AFF2: variants seen among roughly 807,000 people sequenced by gnomAD.
The protein encoded by AFF2 is AF4/FMR2 family member 2.
Under a neutral mutation model 76.9 loss-of-function variants are expected in AFF2, and 14 were observed. The observed-to-expected ratio is 0.18, with a 90% CI of 0.12 to 0.28. AFF2 has a LOEUF of 0.28. Among genes scored for constraint, AFF2 ranks in the 10% least tolerant of loss-of-function variants. The pLI is 1.00. For missense variants in AFF2, 868 were observed against 1,001.1 expected (o/e 0.87, Z 1.79); for synonymous variants, 398 against 366.7 (o/e 1.09, Z -0.98).
At chrX:148,618,216 G>A (rs1019386593) in intron 1 of AFF2, among the ~76,000 whole-genome samples, 2 of 111,258 alleles carry the variant, frequency 1.8e-5, no homozygotes, top group Non-Finnish European at 3.8e-5. Flanking sequence ...GAGGTTTATA[G>A]CCTGTGTTAG....
intron 7 of AFF2, among the ~76,000 whole-genome samples, chrX:148,859,463 A>G (rs782195351): frequency 1.0e-3 from 115 of 111,090 alleles, no homozygotes; most frequent in South Asian, 1.9e-3. Flanking sequence ...AATCTAGGGG[A>G]GAGGGTCCTT....
At chrX:148,770,904 C>T (rs1161214700) in intron 3 of AFF2, among the ~76,000 whole-genome samples, 1 of 111,919 alleles carries the variant, frequency 8.9e-6, no homozygotes, top group Non-Finnish European at 1.9e-5. Context: ...TGTGGCTGGC[C>T]TCTGGGAATA....
chrX:148,757,863 G>T (rs1028109171), intron 3 of AFF2, among the ~76,000 whole-genome samples: 2 of 111,939 alleles, frequency 1.8e-5, no homozygotes, highest in Non-Finnish European at 3.8e-5. Flanking sequence ...TTTATAAGCT[G>T]GGAAGAGAAC....
intron 1 of AFF2, among the ~76,000 whole-genome samples, chrX:148,551,482 G>GAAAAA (rs781883999): frequency 7.9e-5 from 3 of 38,007 alleles, no homozygotes; most frequent in African/African-American, 1.9e-4. Context: ...GCTGGGAAGT[G>GAAAAA]AAAAAAAAAA....
At chrX:148,674,542 T>G (rs1415821509) in intron 3 of AFF2, among the ~76,000 whole-genome samples, 1 of 112,181 alleles carries the variant, frequency 8.9e-6, no homozygotes, top group Non-Finnish European at 1.9e-5. Flanking sequence ...GTAAATGTTG[T>G]GTACCCAGGA....
At chrX:148,967,100 A>G in intron 14 of AFF2, 21 bp downstream of exon 14, 1 of 1,204,336 alleles carries the variant, frequency 8.3e-7, no homozygotes, top group South Asian at 1.8e-5. Flanking sequence ...CCAGATTATC[A>G]TGGACAGTTT....
rs2071558164 is a variant in AFF2, at chrX:148,918,615, C to G, written c.1397+14357C>G. On this transcript the variant is annotated intron_variant, in intron 9 of 20. Transcript: ENST00000370460. The stretch of plus-strand genomic sequence containing the variant: ...AAATTCGGAAATATACCCCAGCTTC[C>G]AAACTTCACCAAGTGGAAATGGAGA... Among the ~76,000 whole-genome samples the G allele has an allele frequency of 2.7e-5, 3 of 111,729 alleles. No homozygotes were observed. In the Admixed American group the frequency reaches 2.9e-4, roughly 11 times the overall value.
At chrX:148,581,018 A>AACATGTGTATATAC (rs1402426571) in intron 1 of AFF2, among the ~76,000 whole-genome samples, 585 of 46,255 alleles carry the variant, frequency 0.013, 28 homozygotes, top group African/African-American at 0.042. Flanking sequence ...CCTACACACA[A>AACATGTGTATATAC]ACATATGTGT....
At chrX:148,801,403 C>G (rs1296133904) in intron 3 of AFF2, among the ~76,000 whole-genome samples, 1 of 111,795 alleles carries the variant, frequency 8.9e-6, no homozygotes, top group African/African-American at 3.3e-5. Flanking sequence ...CTTCCAATTT[C>G]CAGTAACCAC....
intron 3 of AFF2, among the ~76,000 whole-genome samples, chrX:148,696,391 A>G (rs2054722851): frequency 9.0e-6 from 1 of 110,681 alleles, no homozygotes; most frequent in Non-Finnish European, 1.9e-5. Context: ...TGGCACATGT[A>G]CACATATGTA....
intron 3 of AFF2, among the ~76,000 whole-genome samples, chrX:148,784,195 A>G (rs1015800752): frequency 8.9e-6 from 1 of 112,076 alleles, no homozygotes; most frequent in Non-Finnish European, 1.9e-5. Flanking sequence ...ATTGCTGTCA[A>G]TGTCCAACAA....
At chrX:148,936,724 G>T (rs1327986854) in intron 9 of AFF2, among the ~76,000 whole-genome samples, 2 of 112,583 alleles carry the variant, frequency 1.8e-5, no homozygotes, top group African/African-American at 3.2e-5. Context: ...GTTAGTCACT[G>T]TGGGAAACGG....
At chrX:148,701,015 T>A (rs1187930902) in intron 3 of AFF2, among the ~76,000 whole-genome samples, 4,001 of 84,338 alleles carry the variant, frequency 0.047, 95 homozygotes, top group African/African-American at 0.073. Context: ...AGAGAGAATG[T>A]GTGTGTGTGT....
intron 2 of AFF2, 46 bp downstream of exon 2, chrX:148,652,177 G>C (rs1196237068): frequency 1.1e-5 from 11 of 997,515 alleles, no homozygotes; most frequent in Non-Finnish European, 1.5e-5. Context: ...TTACATTTTT[G>C]AACTCACTAA....
intron 3 of AFF2, among the ~76,000 whole-genome samples, chrX:148,766,934 T>G (rs1166468726): frequency 9.0e-6 from 1 of 111,697 alleles, no homozygotes; most frequent in East Asian, 2.8e-4. Flanking sequence ...TTTCCTTAGC[T>G]TTCACATTTT....
intron 3 of AFF2, among the ~76,000 whole-genome samples, chrX:148,794,830 G>A (rs181893797): frequency 8.3e-4 from 92 of 111,077 alleles, no homozygotes; most frequent in African/African-American, 2.9e-3. Flanking sequence ...GGCTCTAGTG[G>A]GAACTACATG....
At chrX:148,719,204 A>G in intron 3 of AFF2, 4 of 1,150,187 alleles carry the variant, frequency 3.5e-6, no homozygotes, top group South Asian at 1.9e-5. Flanking sequence ...GGAGGCACCA[A>G]GCATTTCCGT....
chrX:148,765,077 G>A (rs73249440), intron 3 of AFF2, among the ~76,000 whole-genome samples: 5,847 of 110,713 alleles, frequency 0.053, 177 homozygotes, highest in Non-Finnish European at 0.082. Context: ...ATGGGCTTTC[G>A]CTATAGAGTT....
intron 1 of AFF2, among the ~76,000 whole-genome samples, chrX:148,619,459 A>G (rs181746170): frequency 9.8e-5 from 11 of 112,065 alleles, no homozygotes; most frequent in South Asian, 3.7e-4. Flanking sequence ...GATGGCTCCA[A>G]TGTAATTGAT....
Sources: allele counts gnomAD v4.1 joint callset (sites outside exome capture counted in the v4.1 genomes callset), GRCh38; gene constraint gnomAD v4.1.1; transcripts MANE v1.5; gene names NCBI Gene and HGNC (gene_info 2026-07-23, HGNC 2026-07-21).